Variants in PCDHGB3 observed in about 807,000 individuals in gnomAD.
The protein encoded by PCDHGB3 is protocadherin gamma subfamily B, 3.
A neutral mutation model predicts 59.2 loss-of-function variants in PCDHGB3; 40 were observed. That is an observed-to-expected ratio of 0.68 (90% CI 0.52 to 0.88). The LOEUF is 0.88. Ranked by LOEUF, PCDHGB3 falls within the 40% of genes least tolerant of loss-of-function variation. PCDHGB3 has a pLI of 0.00. For synonymous variants in PCDHGB3, 581 were observed against 503.6 expected, an observed-to-expected ratio of 1.15 and a Z score of -2.06; for missense variants, 1,309 against 1,187.9, an observed-to-expected ratio of 1.10 and a Z score of -1.50.
chr5:141,394,007 A>G lies in PCDHGB3; in HGVS notation c.2415+21198A>G, dbSNP rs1230558462. The G allele has an allele frequency of 3.7e-6, 6 of 1,613,344 alleles. No homozygotes were observed. The East Asian group carries it at 1.3e-4, about 36-fold the overall frequency. Reference sequence around the variant, plus strand: ...TACCTTTTAAATTAGAAAAGTCAATAGGTAATTATTATAGATTAGTGACAA... The same window carrying G: ...TACCTTTTAAATTAGAAAAGTCAATGGGTAATTATTATAGATTAGTGACAA... On this transcript the variant is annotated intron_variant, in intron 1 of 3. Coordinates refer to ENST00000576222, the MANE Select transcript of PCDHGB3 (RefSeq NM_018924.5).
intron 1 of PCDHGB3, among the ~76,000 whole-genome samples, chr5:141,481,789 T>TAAAAATAC (rs972511310): frequency 3.3e-5 from 5 of 151,186 alleles, no homozygotes; most frequent in African/African-American, 1.2e-4. Flanking sequence ...CCGTCTCTAC[T>TAAAAATAC]AAAAATACAA....
At chr5:141,405,448 CT>C in intron 1 of PCDHGB3, 1 of 1,314,740 alleles carries the variant, frequency 7.6e-7, no homozygotes, top group Non-Finnish European at 1.1e-6. Flanking sequence ...GAGACAGAGT[CT>C]TACTCTGTTA....
rs2096301395 is a variant in PCDHGB3, at chr5:141,418,913, C to A, written c.2415+46104C>A. On this transcript the variant is annotated intron_variant, in intron 1 of 3. Coordinates refer to ENST00000576222, the MANE Select transcript of PCDHGB3 (RefSeq NM_018924.5). ...CAGCCCAGAAATAATCATCACGTCA[C>A]TCTCTGATCAGATTATGGAGGATTC... The A allele has an allele frequency of 2.5e-6, 4 of 1,613,946 alleles. No homozygotes were observed. The highest frequency in any genetic ancestry group is 3.4e-6 in the Non-Finnish European group (4 of 1,179,822).
chr5:141,399,660 C>T (rs988885728), intron 1 of PCDHGB3: 2 of 1,613,654 alleles, frequency 1.2e-6, no homozygotes, highest in East Asian at 2.2e-5. Context: ...GGGTGGTGTT[C>T]GCGCAGCGCG....
rs1354510383 is a variant in PCDHGB3, at chr5:141,432,312, G to A, written c.2415+59503G>A. The A allele has an allele frequency of 5.6e-6, 9 of 1,614,132 alleles. No homozygotes were observed. The highest frequency in any genetic ancestry group is 7.6e-6 in the Non-Finnish European group (9 of 1,180,054). On this transcript the variant is annotated intron_variant, in intron 1 of 3. Transcript: ENST00000576222. The surrounding 1 kb of genome is among the most constrained non-coding windows in gnomAD (Gnocchi z 6.0). Reference sequence around the variant, plus strand: ...GACACTGGGGTACTGTATGCGCTGAGCTCCTTCGACTACGAGCAGTTCCGA... The same window carrying A: ...GACACTGGGGTACTGTATGCGCTGAACTCCTTCGACTACGAGCAGTTCCGA...
intron 1 of PCDHGB3, chr5:141,375,735 T>C: frequency 6.2e-7 from 1 of 1,614,254 alleles, no homozygotes; most frequent in Non-Finnish European, 8.5e-7. Context: ...CTGAGCCTGT[T>C]TGTGCTGGAC....
chr5:141,484,549 G>A (rs939394402), intron 1 of PCDHGB3, among the ~76,000 whole-genome samples: 1 of 152,162 alleles, frequency 6.6e-6, no homozygotes, highest in African/African-American at 2.4e-5. Context: ...GTTCTAATTA[G>A]CAGTTGCTCC....
chr5:141,393,771 C>G (rs1207407733), intron 1 of PCDHGB3: 4 of 1,613,874 alleles, frequency 2.5e-6, no homozygotes, highest in Non-Finnish European at 3.4e-6. Context: ...AATGGAAATA[C>G]AAGCCGAAGA....
Position 141,477,100 on chromosome 5 carries a change from C to T in PCDHGB3, c.2416-17707C>T, listed in dbSNP as rs970613825. Reference sequence around the variant, plus strand: ...TTTACATCCAGGCCAAAGACAAGGGCGCCAATCCCGAAGGAGCACATTGCA... The same window carrying T: ...TTTACATCCAGGCCAAAGACAAGGGTGCCAATCCCGAAGGAGCACATTGCA... On this transcript the variant is annotated intron_variant, in intron 1 of 3. Transcript: ENST00000576222. The surrounding 1 kb of genome is among the most constrained non-coding windows in gnomAD (Gnocchi z 4.9). 1 of 1,614,098 alleles carries T rather than the reference C, an allele frequency of 6.2e-7. No homozygotes were observed. Among genetic ancestry groups the T allele is most frequent in the African/African-American group, 1.3e-5 (1 of 74,932 alleles).
intron 1 of PCDHGB3, chr5:141,415,449 C>G: frequency 6.2e-7 from 1 of 1,614,182 alleles, no homozygotes; most frequent in Admixed American, 1.7e-5. Context: ...AGACCTATTC[C>G]CACGAGGTCT....
intron 2 of PCDHGB3, among the ~76,000 whole-genome samples, chr5:141,500,020 T>A (rs905529317): frequency 6.6e-6 from 1 of 151,918 alleles, no homozygotes; most frequent in Non-Finnish European, 1.5e-5. Flanking sequence ...ACATTTTATA[T>A]TTGAGTGAGT....
chr5:141,399,056 A>G (rs945298198), intron 1 of PCDHGB3: 24 of 1,613,834 alleles, frequency 1.5e-5, no homozygotes, highest in African/African-American at 1.2e-4. Flanking sequence ...GAGACCAAGG[A>G]ATATTCAATG....
At chr5:141,379,059 G>A (rs1775341462) in intron 1 of PCDHGB3, 1 of 152,158 alleles carries the variant, frequency 6.6e-6, no homozygotes, top group Admixed American at 6.5e-5. Context: ...GAATGGATTG[G>A]CCACTTGTGC....
chr5:141,410,234 CG>C, intron 1 of PCDHGB3: 1 of 1,613,984 alleles, frequency 6.2e-7, no homozygotes, highest in Non-Finnish European at 8.5e-7. Context: ...CCTCAGCGAC[CG>C]CCCTGTACTC....
rs1561728654 is a variant in PCDHGB3, at chr5:141,410,479, G to C, written c.2415+37670G>C. 3.7e-6 allele frequency: 6 copies of C among 1,613,838 alleles called. No homozygotes were observed. In the African/African-American group the frequency reaches 8.0e-5, roughly 22 times the overall value. ...CTTATAATCTGTGCATTGCACATAC[G>C]GGTACAAAAGAGTTTAATTTCCTAA... On this transcript the variant is annotated intron_variant, in intron 1 of 3. Coordinates refer to ENST00000576222, the MANE Select transcript of PCDHGB3 (RefSeq NM_018924.5).
chr5:141,505,363 T>A, intron 2 of PCDHGB3, 30 bp from the exon 3 acceptor site: 1 of 1,613,360 alleles, frequency 6.2e-7, no homozygotes, highest in Non-Finnish European at 8.5e-7. Context: ...GGCCTGGGAG[T>A]CTGTGCTCAC....
At chr5:141,440,617 C>T (rs1469883341) in intron 1 of PCDHGB3, 1 of 152,168 alleles carries the variant, frequency 6.6e-6, no homozygotes, top group East Asian at 1.9e-4. Context: ...TGCAGAAGAT[C>T]CTGATGTTGA....
Position 141,474,403 on chromosome 5 carries a change from C to T in PCDHGB3, c.2416-20404C>T, listed in dbSNP as rs553745731. ...ATTTCTGCATTTCTAACAAGCTCCC[C>T]GGTGATGCCTAGACCATTGGTCCTC... is the stretch of plus-strand genomic sequence containing the variant. On this transcript the variant is annotated intron_variant, in intron 1 of 3. Coordinates refer to ENST00000576222, the MANE Select transcript of PCDHGB3 (RefSeq NM_018924.5). Among the ~76,000 whole-genome samples, 121 of 152,282 alleles carry T rather than the reference C, an allele frequency of 7.9e-4. 1 individual carries two copies. Among genetic ancestry groups the T allele is most frequent in the Admixed American group, 3.9e-3 (59 of 15,292 alleles).
In PCDHGB3 at chr5:141,490,294, T is replaced by C. The variant is rs766906839; in HGVS notation, c.2416-4513T>C. ...CAATGACAATGCCCCAGAGGTGCTA[T>C]TGGCCTCTTTGGCCAACCCTGTCCT... On this transcript the variant is annotated intron_variant, in intron 1 of 3. Transcript: ENST00000576222. This position sits in a 1 kb window ranked among gnomAD's most constrained non-coding sequence, Gnocchi z 5.4. The C allele has an allele frequency of 5.6e-6, 9 of 1,614,104 alleles. No individual in the cohort carries two copies. The East Asian group carries it at 1.3e-4, about 24-fold the overall frequency.
Sources: gnomAD v4.1 joint callset for allele counts (sites outside exome capture counted in the v4.1 genomes callset) on GRCh38, gnomAD v4.1.1 for gene constraint, Gnocchi (gnomAD v3.1) non-coding constraint, MANE v1.5 for transcripts, NCBI Gene and HGNC (gene_info 2026-07-23, HGNC 2026-07-21) for gene names.